The following MCTP2 variants were observed in gnomAD, a reference collection of about 807,000 sequenced individuals.
The protein encoded by MCTP2 is multiple C2 and transmembrane domain containing 2.
A neutral mutation model predicts 111.6 loss-of-function variants in MCTP2; 132 were observed. The observed-to-expected ratio is 1.18, with a 90% CI of 1.03 to 1.37. The LOEUF (loss-of-function observed/expected upper bound fraction) is 1.37. MCTP2 is among the 40% of genes most tolerant of loss of function. The pLI is 0.00. For missense variants in MCTP2, 1,183 were observed against 1,067.9 expected (o/e 1.11, Z -1.50); for synonymous variants, 395 against 387.7 (o/e 1.02, Z -0.22).
chr15:94,377,562 C>A (rs1352154340), intron 12 of MCTP2, among the ~76,000 whole-genome samples: 1 of 152,106 alleles, frequency 6.6e-6, no homozygotes, highest in African/African-American at 2.4e-5. Context: ...ACAGAGGAAT[C>A]GCTTCCATAT....
chr15:94,251,311 T>C (rs749316623), intron 1 of MCTP2, among the ~76,000 whole-genome samples: 7 of 152,208 alleles, frequency 4.6e-5, no homozygotes, highest in African/African-American at 1.4e-4. Context: ...AATTTTGTCA[T>C]TTTTATGTTT....
intron 17 of MCTP2, among the ~76,000 whole-genome samples, chr15:94,429,475 A>G (rs1362296389): frequency 6.6e-6 from 1 of 152,164 alleles, no homozygotes; most frequent in Admixed American, 6.5e-5. Flanking sequence ...TCTCATTTCA[A>G]GTCACCAATG....
chr15:94,368,236 C>G (rs765605626), intron 11 of MCTP2, among the ~76,000 whole-genome samples: 23 of 152,204 alleles, frequency 1.5e-4, no homozygotes, highest in Admixed American at 2.6e-4. Flanking sequence ...AGCAATAACA[C>G]TAGCTGGACA....
intron 17 of MCTP2, among the ~76,000 whole-genome samples, chr15:94,412,010 C>T (rs530098895): frequency 6.6e-6 from 1 of 152,166 alleles, no homozygotes; most frequent in African/African-American, 2.4e-5. Context: ...TACTTGTGGG[C>T]CCCATTGGTG....
intron 4 of MCTP2, among the ~76,000 whole-genome samples, chr15:94,327,898 T>G (rs2076953030): frequency 6.6e-6 from 1 of 152,192 alleles, no homozygotes; most frequent in Non-Finnish European, 1.5e-5. Flanking sequence ...CAGAATGTCT[T>G]GATGCTTTGC....
At chr15:94,447,505 G>T (rs575834981) in intron 19 of MCTP2, among the ~76,000 whole-genome samples, 1 of 152,016 alleles carries the variant, frequency 6.6e-6, no homozygotes, top group Admixed American at 6.6e-5. Flanking sequence ...AGTGATTCTC[G>T]TGCCTCCGCC....
At chr15:94,245,562 A>G (rs937389720) in intron 1 of MCTP2, among the ~76,000 whole-genome samples, 2 of 143,542 alleles carry the variant, frequency 1.4e-5, no homozygotes, top group African/African-American at 5.1e-5. Flanking sequence ...ATATGTATAC[A>G]TATATGTATA....
intron 12 of MCTP2, among the ~76,000 whole-genome samples, chr15:94,379,070 G>T (rs28744431): frequency 0.017 from 2,415 of 144,056 alleles, 66 homozygotes; most frequent in African/African-American, 0.056. Context: ...TTTGTTTTTT[G>T]TTTTTTTTTT....
chr15:94,470,021 C>G (rs375513044), intron 20 of MCTP2, among the ~76,000 whole-genome samples: 58 of 152,258 alleles, frequency 3.8e-4, no homozygotes, highest in Middle Eastern at 6.8e-3. Flanking sequence ...GCATAGCCAT[C>G]GTGGCAACAT....
chr15:94,404,677 C>T (rs1028967163), intron 17 of MCTP2, among the ~76,000 whole-genome samples: 1 of 151,366 alleles, frequency 6.6e-6, no homozygotes, highest in Non-Finnish European at 1.5e-5. Flanking sequence ...TTGAAAACGC[C>T]TTCATTTATG....
chr15:94,387,967 G>C (rs2080610447), intron 14 of MCTP2, among the ~76,000 whole-genome samples: 1 of 152,188 alleles, frequency 6.6e-6, no homozygotes, highest in African/African-American at 2.4e-5. Flanking sequence ...TCAAATTCCA[G>C]CAATGGCCGG....
At chr15:94,317,156 C>G (rs954670843) in intron 4 of MCTP2, among the ~76,000 whole-genome samples, 2 of 152,088 alleles carry the variant, frequency 1.3e-5, no homozygotes, top group African/African-American at 4.8e-5. Flanking sequence ...TTTAAAATAT[C>G]CTGCTTGCTG....
At chr15:94,450,809 T>G (rs1310395967) in intron 19 of MCTP2, among the ~76,000 whole-genome samples, 2 of 152,244 alleles carry the variant, frequency 1.3e-5, no homozygotes. Context: ...ATGGTCAATT[T>G]TCAGGACTTT....
At chr15:94,273,116 C>T (rs796355174) in intron 1 of MCTP2, among the ~76,000 whole-genome samples, 3 of 152,284 alleles carry the variant, frequency 2.0e-5, no homozygotes, top group African/African-American at 7.2e-5. Flanking sequence ...GTCTCTCATC[C>T]CCTTTAGTGA....
intron 1 of MCTP2, among the ~76,000 whole-genome samples, chr15:94,257,475 C>T (rs1232595216): frequency 2.0e-5 from 3 of 151,376 alleles, no homozygotes; most frequent in Non-Finnish European, 4.4e-5. Context: ...GGTGTATGTT[C>T]CCTACAATGC....
intron 1 of MCTP2, among the ~76,000 whole-genome samples, chr15:94,252,617 G>A (rs564083878): frequency 1.3e-5 from 2 of 151,560 alleles, no homozygotes; most frequent in East Asian, 3.9e-4. Context: ...TTTTATTCAT[G>A]CCTCTGGTTT....
At position 94,402,386 on chromosome 15, in the gene MCTP2, C is replaced by T. The variant is rs60329995; in HGVS notation, c.2085+367C>T. ...AATAATAACTGAATTGTTCAATTTA[C>T]ATTTTAAGTAAATTATTCCCAAACT... On this transcript the variant is annotated intron_variant, in intron 17 of 22. Coordinates refer to ENST00000357742, the MANE Select transcript of MCTP2 (RefSeq NM_001385001.1). 3.6e-5 allele frequency: 54 copies of T among 1,502,564 alleles called. No homozygotes were observed. In the East Asian group the frequency reaches 8.7e-4, roughly 24 times the overall value. The allele number at this position is 1,502,564 out of a possible 1,614,324, so 93.1% of individuals were successfully genotyped here.
At chr15:94,245,482 A>G (rs1489939335) in intron 1 of MCTP2, among the ~76,000 whole-genome samples, 9 of 140,844 alleles carry the variant, frequency 6.4e-5, no homozygotes, top group Admixed American at 2.2e-4. Flanking sequence ...ATGTATATAT[A>G]CATACATGTA....
intron 2 of MCTP2, among the ~76,000 whole-genome samples, chr15:94,313,440 C>T (rs1369471225): frequency 1.3e-5 from 2 of 152,066 alleles, no homozygotes; most frequent in South Asian, 2.1e-4. Context: ...TGGTGGCTCA[C>T]GCCTGTAATC....
Sources: allele counts gnomAD v4.1 joint callset (sites outside exome capture counted in the v4.1 genomes callset), GRCh38; gene constraint gnomAD v4.1.1; transcripts MANE v1.5; gene names NCBI Gene and HGNC (gene_info 2026-07-23, HGNC 2026-07-21).